MAST4: variants seen among roughly 807,000 people sequenced by gnomAD.
The protein encoded by MAST4 is microtubule-associated serine/threonine-protein kinase 4.
In MAST4, 89 loss-of-function variants were observed where a neutral mutation model predicts 162.7. That is an observed-to-expected ratio of 0.55 (90% CI 0.46 to 0.65). The LOEUF (loss-of-function observed/expected upper bound fraction) is 0.65. Ranked by LOEUF, MAST4 falls within the 30% of genes least tolerant of loss-of-function variation. The probability of loss-of-function intolerance (pLI) is 0.00; values close to 1 mark genes in which losing one functional copy is unlikely to be tolerated. For missense variants in MAST4, 3,153 were observed against 3,374.0 expected (o/e 0.93, Z 1.62); for synonymous variants, 1,479 against 1,361.1 (o/e 1.09, Z -1.91).
At chr5:66,723,951 T>C (rs1751364809) in intron 1 of MAST4, among the ~76,000 whole-genome samples, 1 of 152,134 alleles carries the variant, frequency 6.6e-6, no homozygotes, top group East Asian at 1.9e-4. Context: ...ACTACCTCAC[T>C]ATACCCCCAC....
At chr5:67,086,787 G>A (rs1016956915) in intron 5 of MAST4, among the ~76,000 whole-genome samples, 35 of 152,202 alleles carry the variant, frequency 2.3e-4, no homozygotes, top group African/African-American at 7.7e-4. Context: ...GAGGAGTGAA[G>A]GTCATGTATA....
chr5:66,646,838 A>T (rs1745871696), intron 1 of MAST4, among the ~76,000 whole-genome samples: 1 of 152,198 alleles, frequency 6.6e-6, no homozygotes, highest in Non-Finnish European at 1.5e-5. Flanking sequence ...CAAATGTCAG[A>T]TTCAAGATAG....
intron 2 of MAST4, among the ~76,000 whole-genome samples, chr5:66,787,756 T>C (rs780474108): frequency 2.0e-5 from 3 of 152,096 alleles, no homozygotes; most frequent in Non-Finnish European, 4.4e-5. Flanking sequence ...TCATTGTCTG[T>C]TTTTTTGGAA....
In MAST4 at chr5:66,817,803, G is replaced by C. The variant is rs887812435; in HGVS notation, c.642+29009G>C. Among the ~76,000 whole-genome samples the C allele has an allele frequency of 3.3e-5, 5 of 152,322 alleles. No homozygotes were observed. In the East Asian group the frequency reaches 9.6e-4, roughly 29 times the overall value. On this transcript the variant is annotated intron_variant, in intron 3 of 28. Coordinates refer to ENST00000403625, the MANE Select transcript of MAST4 (RefSeq NM_001164664.2). ...AAGATTAATGAATATAAATGAATGA[G>C]CTGGGGATTTCAAACAGAACAGAGG... is the stretch of plus-strand genomic sequence containing the variant.
intron 4 of MAST4, among the ~76,000 whole-genome samples, chr5:66,969,064 T>G (rs73768761): frequency 0.042 from 6,349 of 152,228 alleles, 451 homozygotes; most frequent in African/African-American, 0.14. Flanking sequence ...AATAAATTAT[T>G]TAGTTGTCAT....
At chr5:67,127,348 C>T (rs1768371512) in intron 14 of MAST4, among the ~76,000 whole-genome samples, 2 of 152,144 alleles carry the variant, frequency 1.3e-5, no homozygotes, top group Non-Finnish European at 2.9e-5. Context: ...TTTGCCCATT[C>T]AGTATGTTAT....
At chr5:66,606,903 AAT>A (rs1222610064) in intron 1 of MAST4, among the ~76,000 whole-genome samples, 3 of 152,100 alleles carry the variant, frequency 2.0e-5, no homozygotes, top group Non-Finnish European at 4.4e-5. Flanking sequence ...TTAAATATTA[AAT>A]GAGTATATGA....
At position 66,742,641 on chromosome 5, in the gene MAST4, C is replaced by G. The variant is rs1389402965; in HGVS notation, c.364-17068C>G. Among the ~76,000 whole-genome samples the G allele has an allele frequency of 2.6e-5, 4 of 152,108 alleles. No individual in the cohort carries two copies. The East Asian group carries it at 7.7e-4, about 29-fold the overall frequency. On this transcript the variant is annotated intron_variant, in intron 1 of 28. Transcript: ENST00000403625. Reference sequence around the variant, plus strand: ...ACACTGTGGCTTCTGGTGAATACTTCTTTTAGTGGAGTTGCGAACCTGTAC... The same window carrying G: ...ACACTGTGGCTTCTGGTGAATACTTGTTTTAGTGGAGTTGCGAACCTGTAC...
intron 1 of MAST4, among the ~76,000 whole-genome samples, chr5:66,633,556 C>A (rs966907808): frequency 6.6e-6 from 1 of 152,112 alleles, no homozygotes; most frequent in African/African-American, 2.4e-5. Context: ...ATTTGTATGG[C>A]AATATCAGGG....
At chr5:66,968,734 C>CT (rs1387757653) in intron 4 of MAST4, among the ~76,000 whole-genome samples, 2 of 152,094 alleles carry the variant, frequency 1.3e-5, no homozygotes, top group Non-Finnish European at 2.9e-5. Context: ...AGAAAAAGGA[C>CT]TTATTTTTTA....
intron 3 of MAST4, among the ~76,000 whole-genome samples, chr5:66,859,037 AAAT>A (rs1759892139): frequency 2.0e-5 from 3 of 152,142 alleles, no homozygotes; most frequent in South Asian, 4.1e-4. Context: ...TTTTAATCAA[AAAT>A]AATATGTATA....
chr5:67,051,001 T>A (rs1307541573), intron 4 of MAST4, among the ~76,000 whole-genome samples: 1 of 152,218 alleles, frequency 6.6e-6, no homozygotes, highest in East Asian at 1.9e-4. Flanking sequence ...ATAACTTTTC[T>A]TTAGTTTCAT....
At chr5:67,134,414 T>G in intron 17 of MAST4, 109 bp from the exon 18 acceptor site, 1 of 829,512 alleles carries the variant, frequency 1.2e-6, no homozygotes, top group Non-Finnish European at 1.8e-6. Context: ...TGTGGTTCCA[T>G]GTGGTTGAGC....
intron 5 of MAST4, among the ~76,000 whole-genome samples, chr5:67,066,029 A>G (rs1255879473): frequency 7.2e-5 from 11 of 152,206 alleles, no homozygotes; most frequent in African/African-American, 2.7e-4. Context: ...TGGTTTCCCT[A>G]GTCAAGGGAG....
intron 4 of MAST4, among the ~76,000 whole-genome samples, chr5:66,981,561 A>G (rs890646323): frequency 2.6e-5 from 4 of 152,248 alleles, no homozygotes; most frequent in African/African-American, 9.6e-5. Flanking sequence ...AGAAACTGGC[A>G]GAGTTGCATT....
intron 3 of MAST4, among the ~76,000 whole-genome samples, chr5:66,812,545 G>C (rs1410629444): frequency 6.6e-6 from 1 of 152,192 alleles, no homozygotes; most frequent in East Asian, 1.9e-4. Context: ...CTGTGTTGAG[G>C]AAATAATCAG....
rs903071786 is a variant in MAST4, at chr5:67,169,191, A to G, written c.*2140A>G. ...TTAACTGTCCAATTTCCTTTAAAGCACAACTAGCTATTTGTTTACAAATGA... is the reference window on the plus strand; with the variant it reads ...TTAACTGTCCAATTTCCTTTAAAGCGCAACTAGCTATTTGTTTACAAATGA... On this transcript the variant is annotated 3_prime_UTR_variant, in exon 29 of 29. Coordinates refer to ENST00000403625, the MANE Select transcript of MAST4 (RefSeq NM_001164664.2). 5.3e-5 allele frequency: 8 copies of G among 152,252 alleles called. No homozygotes were observed. The highest frequency in any genetic ancestry group is 1.2e-4 in the Non-Finnish European group (8 of 68,044). 9.4% of individuals were successfully genotyped at this position (152,252 alleles called of 1,614,324 possible). A position where few individuals can be genotyped will look rare whatever the true frequency, so the allele number is the denominator to read the frequency against.
At chr5:67,023,431 C>T (rs975294446) in intron 4 of MAST4, among the ~76,000 whole-genome samples, 3 of 152,096 alleles carry the variant, frequency 2.0e-5, no homozygotes, top group Non-Finnish European at 2.9e-5. Context: ...CATGATCATA[C>T]GTTGGTCATT....
chr5:66,613,386 T>C (rs1380025666), intron 1 of MAST4, among the ~76,000 whole-genome samples: 1 of 152,090 alleles, frequency 6.6e-6, no homozygotes, highest in African/African-American at 2.4e-5. Context: ...GGGAAGTCTT[T>C]TGGTTACTCA....
Sources: gnomAD v4.1 joint callset for allele counts (sites outside exome capture counted in the v4.1 genomes callset) on GRCh38, gnomAD v4.1.1 for gene constraint, MANE v1.5 for transcripts, NCBI Gene and HGNC (gene_info 2026-07-23, HGNC 2026-07-21) for gene names.